Variants in BLOC1S6 observed in about 807,000 individuals in gnomAD.
The protein encoded by BLOC1S6 is biogenesis of lysosome-related organelles complex 1 subunit 6.
Under a neutral mutation model 24.7 loss-of-function variants are expected in BLOC1S6, and 24 were observed. The ratio of observed to expected loss-of-function variants is 0.97; its 90% CI spans 0.70 to 1.37. BLOC1S6 has a LOEUF of 1.37. BLOC1S6 is among the 40% of genes most tolerant of loss of function. BLOC1S6 has a pLI of 0.00. For synonymous variants in BLOC1S6, 76 were observed against 72.6 expected (o/e 1.05, Z -0.23); for missense variants, 175 against 196.2 (o/e 0.89, Z 0.64).
intron 4 of BLOC1S6, 189 bp downstream of exon 4, chr15:45,605,703 C>A: frequency 2.0e-6 from 1 of 497,330 alleles, no homozygotes; most frequent in Non-Finnish European, 3.6e-6. Context: ...GATTCTTCTG[C>A]CTCAGCTCCC....
Position 45,592,238 on chromosome 15 carries a change from A to C in BLOC1S6, c.186A>C (p.Pro62=). 1 of 1,614,140 alleles carries C rather than the reference A, an allele frequency of 6.2e-7. No homozygotes were observed. Among genetic ancestry groups the C allele is most frequent in the Non-Finnish European group, 8.5e-7 (1 of 1,180,038 alleles). The change falls in exon 2 of 5, where the codon CCA becomes CCC. Residue 62 remains proline (P), a synonymous_variant. Transcript: ENST00000220531. ...AAGGATTGCTTTCTCATTATTTGCC[A>C]GATCTGCAGAGATCAAAACAAGCCC... ...LAEGLLSHYL[P]DLQRSKQALQ...
chr15:45,604,989 T>A (rs1038767324), intron 3 of BLOC1S6, among the ~76,000 whole-genome samples: 1 of 152,228 alleles, frequency 6.6e-6, no homozygotes, highest in Non-Finnish European at 1.5e-5. Context: ...CAGGGCTCTG[T>A]GGCCACAGTT....
intron 1 of BLOC1S6, among the ~76,000 whole-genome samples, chr15:45,589,095 C>G (rs905997436): frequency 6.6e-6 from 1 of 152,128 alleles, no homozygotes; most frequent in African/African-American, 2.4e-5. Flanking sequence ...TCTGAAATAG[C>G]AAAAAGTGAA....
chr15:45,590,193 C>A (rs148564889), intron 1 of BLOC1S6, among the ~76,000 whole-genome samples: 14,623 of 150,242 alleles, frequency 0.097, 2,351 homozygotes, highest in African/African-American at 0.34. Flanking sequence ...CTCTCTCTCT[C>A]TATATTTTTT....
In BLOC1S6 at chr15:45,593,015, A is replaced by G. The variant is rs147988166; in HGVS notation, c.224+739A>G. Among the ~76,000 whole-genome samples the G allele has an allele frequency of 3.2e-4, 48 of 152,306 alleles. 1 individual carries two copies. In the East Asian group the frequency reaches 7.7e-3, roughly 24 times the overall value. Reference sequence around the variant, plus strand: ...TTACTTAAGAGGCCTTTATTAGGGCAAAAGGAGAGGAATAATAACTGTGCT... The same window carrying G: ...TTACTTAAGAGGCCTTTATTAGGGCGAAAGGAGAGGAATAATAACTGTGCT... On this transcript the variant is annotated intron_variant, in intron 2 of 4. Coordinates refer to ENST00000220531, the MANE Select transcript of BLOC1S6 (RefSeq NM_012388.4).
intron 1 of BLOC1S6, among the ~76,000 whole-genome samples, chr15:45,590,876 A>C (rs1006262728): frequency 3.9e-5 from 6 of 152,212 alleles, no homozygotes; most frequent in African/African-American, 1.4e-4. Context: ...AATATTAATC[A>C]TAATTTTAGT....
chr15:45,605,348 A>T, intron 3 of BLOC1S6, 80 bp from the exon 4 acceptor site: 2 of 1,151,820 alleles, frequency 1.7e-6, no homozygotes, highest in East Asian at 2.5e-5. Flanking sequence ...ACAAACTATC[A>T]TTTATATATT....
rs750850260 is a variant in BLOC1S6 at position 45,606,544 on chromosome 15, G to A, written c.*30G>A. 3.1e-6 allele frequency: 5 copies of A among 1,613,928 alleles called. No homozygotes were observed. The highest frequency in any genetic ancestry group is 1.1e-5 in the South Asian group (1 of 91,086). On this transcript the variant is annotated 3_prime_UTR_variant, in exon 5 of 5. Coordinates refer to ENST00000220531, the MANE Select transcript of BLOC1S6 (RefSeq NM_012388.4). The stretch of plus-strand genomic sequence containing the variant: ...TTGTGTTTGTGTGTTTTCTTCTCCT[G>A]TCCCATATTTGGGTTATGATGACTC...
Position 45,609,685 on chromosome 15 carries a change from A to G in BLOC1S6, c.*3171A>G, listed in dbSNP as rs1238453118. 2 of 152,182 alleles carry G rather than the reference A, an allele frequency of 1.3e-5. No homozygotes were observed. Among genetic ancestry groups the G allele is most frequent in the African/African-American group, 4.8e-5 (2 of 41,444 alleles). The allele number at this position is 152,182 out of a possible 1,614,324, so 9.4% of individuals were successfully genotyped here. A position where few individuals can be genotyped will look rare whatever the true frequency, so the allele number is the denominator to read the frequency against. ...GTAAGATGAGAACTGCTTTTTACAC[A>G]TTTAATAAAAAAAGGTCTCTGAATT... is the stretch of plus-strand genomic sequence containing the variant. On this transcript the variant is annotated 3_prime_UTR_variant, in exon 5 of 5. Coordinates refer to ENST00000220531, the MANE Select transcript of BLOC1S6 (RefSeq NM_012388.4).
chr15:45,588,882 A>G (rs188996363), intron 1 of BLOC1S6, among the ~76,000 whole-genome samples: 5 of 152,318 alleles, frequency 3.3e-5, no homozygotes, highest in South Asian at 2.1e-4. Context: ...CACTCCTGCC[A>G]TAGATTTCTT....
intron 2 of BLOC1S6, among the ~76,000 whole-genome samples, chr15:45,593,615 A>G (rs1299218946): frequency 6.6e-6 from 1 of 152,188 alleles, no homozygotes; most frequent in Non-Finnish European, 1.5e-5. Context: ...TCTGAAAAAT[A>G]CTTTACTTGC....
Position 45,608,519 on chromosome 15 carries a change from G to C in BLOC1S6, c.*2005G>C, listed in dbSNP as rs1894560755. On this transcript the variant is annotated 3_prime_UTR_variant, in exon 5 of 5. Transcript: ENST00000220531. ...TGCACACAATTCTCTATCTACTGAAGCACATCTGTTTTCTTTGTTTGTTTT... is the reference window on the plus strand; with the variant it reads ...TGCACACAATTCTCTATCTACTGAACCACATCTGTTTTCTTTGTTTGTTTT... The C allele has an allele frequency of 6.6e-6, 1 of 152,194 alleles. No homozygotes were observed. Among genetic ancestry groups the C allele is most frequent in the African/African-American group, 2.4e-5 (1 of 41,436 alleles). 9.4% of individuals were successfully genotyped at this position (152,194 alleles called of 1,614,324 possible).
rs147835186 is a variant in BLOC1S6, at chr15:45,596,348, C to G, written c.224+4072C>G. ...AAGTAGCTGGGACCACAGGCGCACA[C>G]CACCACACCTGGCTGATTTTTGTAT... is the stretch of plus-strand genomic sequence containing the variant. On this transcript the variant is annotated intron_variant, in intron 2 of 4. Coordinates refer to ENST00000220531, the MANE Select transcript of BLOC1S6 (RefSeq NM_012388.4). 3.9e-4 allele frequency among the ~76,000 whole-genome samples: 59 copies of G among 152,174 alleles called. 2 individuals are homozygous for G. The highest frequency in any genetic ancestry group is 1.3e-3 in the African/African-American group (55 of 41,522).
At position 45,587,414 on chromosome 15, in the gene BLOC1S6, C is replaced by G; in HGVS notation, c.-30C>G. The G allele has an allele frequency of 6.4e-7, 1 of 1,555,408 alleles. No homozygotes were observed. The highest frequency in any genetic ancestry group is 1.4e-5 in the African/African-American group (1 of 73,456). On this transcript the variant is annotated 5_prime_UTR_variant, in exon 1 of 5. Transcript: ENST00000220531. ...TTGCTTCTGACGAGCCACACGTTTGCTTCTTCCCTGTGTTCCCAGCTGGAG... is the reference window on the plus strand; with the variant it reads ...TTGCTTCTGACGAGCCACACGTTTGGTTCTTCCCTGTGTTCCCAGCTGGAG...
rs1238052482 is a variant in BLOC1S6 at position 45,607,233 on chromosome 15, T to G, written c.*719T>G. On this transcript the variant is annotated 3_prime_UTR_variant, in exon 5 of 5. Coordinates refer to ENST00000220531, the MANE Select transcript of BLOC1S6 (RefSeq NM_012388.4). ...GTGCATGTACGGGAAATAACAGCAC[T>G]TTAGGTGTAGTTCAGGTGAGCAAGA... is the stretch of plus-strand genomic sequence containing the variant. 1 of 152,286 alleles carries G rather than the reference T, an allele frequency of 6.6e-6. No homozygotes were observed. The highest frequency in any genetic ancestry group is 2.4e-5 in the African/African-American group (1 of 41,450). 9.4% of individuals were successfully genotyped at this position (152,286 alleles called of 1,614,324 possible).
upstream of BLOC1S6, chr15:45,587,342 G>C: frequency 8.4e-7 from 1 of 1,189,272 alleles, no homozygotes; most frequent in Non-Finnish European, 1.2e-6. Context: ...TTCCGGGTGC[G>C]ACAATCTCTT....
In BLOC1S6 at chr15:45,607,841, A is replaced by T. The variant is rs1248957559; in HGVS notation, c.*1327A>T. The T allele has an allele frequency of 6.6e-6, 1 of 152,232 alleles. No individual in the cohort carries two copies. 9.4% of individuals were successfully genotyped at this position (152,232 alleles called of 1,614,324 possible). ...CCAAATACCCACTTTATAGATAATT[A>T]CAGGGATGGTGAAAAATTAGTAAAT... On this transcript the variant is annotated 3_prime_UTR_variant, in exon 5 of 5. Transcript: ENST00000220531.
At chr15:45,606,193 A>G (rs532139969) in intron 4 of BLOC1S6, among the ~76,000 whole-genome samples, 1 of 152,290 alleles carries the variant, frequency 6.6e-6, no homozygotes, top group South Asian at 2.1e-4. Context: ...GATATGCCCT[A>G]CAGTTCTCAT....
In BLOC1S6 at chr15:45,607,425, A is replaced by G. The variant is rs1894513499; in HGVS notation, c.*911A>G. On this transcript the variant is annotated 3_prime_UTR_variant, in exon 5 of 5. Coordinates refer to ENST00000220531, the MANE Select transcript of BLOC1S6 (RefSeq NM_012388.4). ...AGCTTGTATATTTATAATACAATATAGTATTATAGTAACAGTTATCATACA... is the reference window on the plus strand; with the variant it reads ...AGCTTGTATATTTATAATACAATATGGTATTATAGTAACAGTTATCATACA... The G allele has an allele frequency of 6.6e-6, 1 of 152,204 alleles. No individual in the cohort carries two copies. The highest frequency in any genetic ancestry group is 1.5e-5 in the Non-Finnish European group (1 of 68,042). The allele number at this position is 152,204 out of a possible 1,614,324, so 9.4% of individuals were successfully genotyped here. A position where few individuals can be genotyped will look rare whatever the true frequency, so the allele number is the denominator to read the frequency against.
Sources: allele counts gnomAD v4.1 joint callset (sites outside exome capture counted in the v4.1 genomes callset), GRCh38; gene constraint gnomAD v4.1.1; transcripts MANE v1.5; gene names NCBI Gene and HGNC (gene_info 2026-07-23, HGNC 2026-07-21).